Variants in RSL1D1 observed in about 807,000 individuals in gnomAD.
The protein encoded by RSL1D1 is ribosomal L1 domain containing 1, also known as ribosomal L1 domain-containing protein 1.
RSL1D1 carries 34 observed loss-of-function variants against 44.6 expected under a neutral mutation model. The observed-to-expected ratio is 0.76, with a 90% CI of 0.58 to 1.02. RSL1D1 has a LOEUF of 1.02. Among genes scored for constraint, RSL1D1 ranks in the 50% least tolerant of loss-of-function variants. RSL1D1 has a pLI of 0.00. For synonymous variants in RSL1D1, 271 were observed against 207.4 expected, an observed-to-expected ratio of 1.31 and a Z score of -2.63; for missense variants, 767 against 568.1, an observed-to-expected ratio of 1.35 and a Z score of -3.56.
intron 8 of RSL1D1, among the ~76,000 whole-genome samples, chr16:11,838,389 C>A (rs1424845778): frequency 1.3e-5 from 2 of 151,914 alleles, no homozygotes; most frequent in East Asian, 3.9e-4. Flanking sequence ...TCTCGAACTC[C>A]TGACCTCAGG....
At position 11,836,424 on chromosome 16, in the gene RSL1D1, G is replaced by C. The variant is rs1006378349; in HGVS notation, c.*1363C>G. ...TGCAAGAACATTCCTGCACTGCAGTGAATCTGTGAACTTACTACTACGGAT... is the reference window on the plus strand; with the variant it reads ...TGCAAGAACATTCCTGCACTGCAGTCAATCTGTGAACTTACTACTACGGAT... On this transcript the variant is annotated 3_prime_UTR_variant, in exon 9 of 9. Transcript: ENST00000571133. The C allele has an allele frequency of 6.6e-6, 1 of 152,182 alleles. No homozygotes were observed. Among genetic ancestry groups the C allele is most frequent in the Non-Finnish European group, 1.5e-5 (1 of 68,034 alleles). 9.4% of individuals were successfully genotyped at this position (152,182 alleles called of 1,614,324 possible).
At chr16:11,850,965 C>CAG (rs1202906961) in intron 1 of RSL1D1, 2 of 234,254 alleles carry the variant, frequency 8.5e-6, no homozygotes, top group African/African-American at 4.7e-5. Flanking sequence ...GCTGGGATTA[C>CAG]AGGCGTGAGC....
Position 11,840,540 on chromosome 16 carries a change from C to T in RSL1D1, c.856-555G>A, listed in dbSNP as rs375093406. Among the ~76,000 whole-genome samples the T allele has an allele frequency of 5.9e-5, 9 of 152,222 alleles. No homozygotes were observed. In the East Asian group the frequency reaches 1.2e-3, roughly 20 times the overall value. On this transcript the variant is annotated intron_variant, in intron 7 of 8. Transcript: ENST00000571133. ...CTGAGATCATGCCACTGCACTTCAG[C>T]CTGGGCGACAGAGTGAAACTCTGTC...
rs2053837226 is a variant in RSL1D1, at chr16:11,851,463, G to A, written c.50C>T (p.Thr17Ile). 1.2e-6 allele frequency: 2 copies of A among 1,614,102 alleles called. No individual in the cohort carries two copies. Among genetic ancestry groups the A allele is most frequent in the Non-Finnish European group, 1.7e-6 (2 of 1,179,972 alleles). The change falls in exon 1 of 9, where the codon ACC becomes ATC. Residue 17 changes from threonine to isoleucine, a missense_variant. Physicochemically the swap from Thr to Ile is moderately conservative, Grantham distance 89. Coordinates refer to ENST00000571133, the MANE Select transcript of RSL1D1 (RefSeq NM_015659.3). ...ASLSSAAATG[T>I]STSTPAAPTA... is the part of the protein sequence containing the mutation. ...CGGGGCCGCTGGAGTCGAGGTGGAG[G>A]TTCCAGTAGCGGCTGCAGAAGACAG...
intron 7 of RSL1D1, 60 bp downstream of exon 7, chr16:11,841,631 TCTCC>T (rs946527579): frequency 3.1e-5 from 45 of 1,467,364 alleles, no homozygotes; most frequent in South Asian, 2.9e-4. Context: ...GGTCTACTTC[TCTCC>T]TAGTGACTGA....
intron 1 of RSL1D1, 66 bp downstream of exon 1, chr16:11,851,342 G>A (rs980535140): frequency 1.3e-5 from 19 of 1,476,002 alleles, no homozygotes; most frequent in Non-Finnish European, 1.8e-5. Flanking sequence ...TCGGGTTCCG[G>A]CACCCTGCGC....
At position 11,837,034 on chromosome 16, in the gene RSL1D1, G is replaced by A. The variant is rs1319619155; in HGVS notation, c.*753C>T. On this transcript the variant is annotated 3_prime_UTR_variant, in exon 9 of 9. Transcript: ENST00000571133. The stretch of plus-strand genomic sequence containing the variant: ...TGTCACCCAGGCTACAGCACAGTGG[G>A]GTGATCGTGGCTCACTGGAGCCTCA... 1 of 152,160 alleles carries A rather than the reference G, an allele frequency of 6.6e-6. No homozygotes were observed. The highest frequency in any genetic ancestry group is 2.4e-5 in the African/African-American group (1 of 41,428). The allele number at this position is 152,160 out of a possible 1,614,324, so 9.4% of individuals were successfully genotyped here.
At chr16:11,850,830 C>A (rs1223320467) in intron 1 of RSL1D1, among the ~76,000 whole-genome samples, 1 of 152,184 alleles carries the variant, frequency 6.6e-6, no homozygotes, top group Non-Finnish European at 1.5e-5. Context: ...GCTGAGATTA[C>A]AGGCGCCCGC....
intron 8 of RSL1D1, among the ~76,000 whole-genome samples, chr16:11,838,977 C>G (rs1429204518): frequency 1.3e-5 from 2 of 152,080 alleles, no homozygotes; most frequent in Non-Finnish European, 2.9e-5. Flanking sequence ...AGGAGCACAG[C>G]AGAGACACAT....
chr16:11,839,989 C>T lies in RSL1D1; in HGVS notation c.856-4G>A, dbSNP rs1486384300. On this transcript the variant is annotated splice_polypyrimidine_tract_variant and splice_region_variant and intron_variant, in intron 7 of 8. Coordinates refer to ENST00000571133, the MANE Select transcript of RSL1D1 (RefSeq NM_015659.3). ...CTCTTCGTTTTCTCCTTGCCTCCTA[C>T]CAAAAAACACCATACAAACATTTTA... The T allele has an allele frequency of 2.5e-6, 4 of 1,607,750 alleles. No individual in the cohort carries two copies. In the South Asian group the frequency reaches 3.3e-5, roughly 13 times the overall value.
intron 8 of RSL1D1, among the ~76,000 whole-genome samples, chr16:11,839,015 T>G (rs373264025): frequency 6.6e-6 from 1 of 152,132 alleles, no homozygotes; most frequent in East Asian, 1.9e-4. Flanking sequence ...CTTCCAAATG[T>G]AGCTGCACAT....
intron 8 of RSL1D1, among the ~76,000 whole-genome samples, chr16:11,839,432 C>G (rs888444745): frequency 2.0e-5 from 3 of 146,586 alleles, no homozygotes; most frequent in Non-Finnish European, 4.5e-5. Flanking sequence ...GTGGCTCACA[C>G]TTGTAATCCC....
chr16:11,839,083 T>C (rs1341938831), intron 8 of RSL1D1, among the ~76,000 whole-genome samples: 1 of 151,514 alleles, frequency 6.6e-6, no homozygotes, highest in Non-Finnish European at 1.5e-5. Flanking sequence ...AGCCAACTGG[T>C]GGCTGAGTGC....
chr16:11,850,218 T>A lies in RSL1D1; in HGVS notation c.245+61A>T, dbSNP rs1021802520. 4 of 1,464,750 alleles carry A rather than the reference T, an allele frequency of 2.7e-6. No individual in the cohort carries two copies. In the African/African-American group the frequency reaches 4.4e-5, roughly 16 times the overall value. 90.7% of individuals were successfully genotyped at this position (1,464,750 alleles called of 1,614,324 possible). ...TCCATTAGTAACCATGATGCAATTG[T>A]TCGAGTTACAAAGAATAAACACACA... On this transcript the variant is annotated intron_variant, in intron 2 of 8. Transcript: ENST00000571133.
intron 7 of RSL1D1, among the ~76,000 whole-genome samples, chr16:11,840,827 T>C (rs1309821185): frequency 6.6e-6 from 1 of 152,036 alleles, no homozygotes; most frequent in African/African-American, 2.4e-5. Flanking sequence ...CGAATGTAGG[T>C]GTATGAGTTT....
At chr16:11,838,618 AG>A (rs1034201504) in intron 8 of RSL1D1, among the ~76,000 whole-genome samples, 10 of 151,918 alleles carry the variant, frequency 6.6e-5, no homozygotes, top group Admixed American at 1.3e-4. Flanking sequence ...GCACTATGGA[AG>A]GCTGAGGCAG....
intron 5 of RSL1D1, among the ~76,000 whole-genome samples, chr16:11,844,635 C>T (rs551302507): frequency 6.6e-6 from 1 of 152,276 alleles, no homozygotes; most frequent in South Asian, 2.1e-4. Flanking sequence ...GAGACACTCC[C>T]CTGGGGTCAG....
At chr16:11,849,011 C>T (rs1047245418) in intron 2 of RSL1D1, among the ~76,000 whole-genome samples, 3 of 152,016 alleles carry the variant, frequency 2.0e-5, no homozygotes, top group African/African-American at 7.2e-5. Context: ...ACTCCCAGGC[C>T]TCAAATGATC....
intron 5 of RSL1D1, among the ~76,000 whole-genome samples, chr16:11,844,994 T>C (rs2053787681): frequency 6.6e-6 from 1 of 152,072 alleles, no homozygotes; most frequent in African/African-American, 2.4e-5. Context: ...TAAGACTAGG[T>C]GTGGGGGCTC....
Sources: allele counts gnomAD v4.1 joint callset (sites outside exome capture counted in the v4.1 genomes callset), GRCh38; gene constraint gnomAD v4.1.1; transcripts MANE v1.5; gene names NCBI Gene and HGNC (gene_info 2026-07-23, HGNC 2026-07-21).